Variants in ENAH observed in about 807,000 individuals in gnomAD.
ENAH encodes the protein ENAH actin regulator, also known as protein enabled homolog.
A neutral mutation model predicts 78.7 loss-of-function variants in ENAH; 23 were observed. The observed-to-expected ratio is 0.29, with a 90% CI of 0.21 to 0.41. The LOEUF is 0.41. ENAH is among the 10% of genes least tolerant of loss of function. The pLI is 1.00. For synonymous variants in ENAH, 226 were observed against 241.0 expected (o/e 0.94, Z 0.58); for missense variants, 544 against 691.0 (o/e 0.79, Z 2.39).
At chr1:225,514,575 A>AC (rs1558731916) in intron 7 of ENAH, 21 bp downstream of exon 7, 2 of 1,601,142 alleles carry the variant, frequency 1.2e-6, no homozygotes, top group Non-Finnish European at 1.7e-6. Context: ...TATTAAAAAA[A>AC]TTTTTCAGAA....
At chr1:225,512,753 T>A in intron 8 of ENAH, 39 bp from the exon 9 acceptor site, 1 of 1,610,682 alleles carries the variant, frequency 6.2e-7, no homozygotes, top group Non-Finnish European at 8.5e-7. Flanking sequence ...AAATATTATC[T>A]GATTCAGTAT....
intron 1 of ENAH, among the ~76,000 whole-genome samples, chr1:225,641,151 C>A (rs1660987139): frequency 6.6e-6 from 1 of 151,728 alleles, no homozygotes; most frequent in Non-Finnish European, 1.5e-5. Flanking sequence ...GCATGAGCCA[C>A]CGCGCCCGGC....
chr1:225,561,680 C>G (rs1243383659), intron 2 of ENAH, among the ~76,000 whole-genome samples: 1 of 76,454 alleles, frequency 1.3e-5, no homozygotes, highest in Non-Finnish European at 3.0e-5. Context: ...CACTTAATAA[C>G]TACTTATTGG....
rs548389063 is a variant in ENAH at position 225,632,385 on chromosome 1, C to T, written c.5+20301G>A. 4.6e-5 allele frequency among the ~76,000 whole-genome samples: 7 copies of T among 151,994 alleles called. No homozygotes were observed. The South Asian group carries it at 1.5e-3, about 32-fold the overall frequency. ...TAGTGGCAGGCGCCTGTAATCTCAG[C>T]TACTCAGGAGACTGAGGCAGGAGAA... On this transcript the variant is annotated intron_variant, in intron 1 of 13. Coordinates refer to ENST00000366843, the MANE Select transcript of ENAH (RefSeq NM_018212.6).
chr1:225,577,757 C>G lies in ENAH; in HGVS notation c.6-10343G>C, dbSNP rs555289714. On this transcript the variant is annotated intron_variant, in intron 1 of 13. Transcript: ENST00000366843. ...AAACATTTCAGCAAATCTATTGGGTCATTCTGCAGGATGAAAAAATCTCTT... is the reference window on the plus strand; with the variant it reads ...AAACATTTCAGCAAATCTATTGGGTGATTCTGCAGGATGAAAAAATCTCTT... Among the ~76,000 whole-genome samples, 13 of 152,226 alleles carry G rather than the reference C, an allele frequency of 8.5e-5. No individual in the cohort carries two copies. In the South Asian group the frequency reaches 2.5e-3, roughly 29 times the overall value.
At chr1:225,593,863 C>T (rs2147921350) in intron 1 of ENAH, among the ~76,000 whole-genome samples, 1 of 152,216 alleles carries the variant, frequency 6.6e-6, no homozygotes, top group East Asian at 1.9e-4. Flanking sequence ...GACTAGAAGG[C>T]CTTAATGTTG....
In ENAH at chr1:225,492,490, T is replaced by G. The variant is rs566292597; in HGVS notation, c.*5285A>C. On this transcript the variant is annotated 3_prime_UTR_variant, in exon 14 of 14. Coordinates refer to ENST00000366843, the MANE Select transcript of ENAH (RefSeq NM_018212.6). ...CCTAATTTTCTCCCTCTGCCTAGAA[T>G]TCCTGTGTCCTACACCAGAAGCGTC... 6.6e-6 allele frequency: 1 copy of G among 152,382 alleles called. No individual in the cohort carries two copies. Among genetic ancestry groups the G allele is most frequent in the Admixed American group, 6.5e-5 (1 of 15,304 alleles). 9.4% of individuals were successfully genotyped at this position (152,382 alleles called of 1,614,324 possible). A position where few individuals can be genotyped will look rare whatever the true frequency, so the allele number is the denominator to read the frequency against.
intron 2 of ENAH, among the ~76,000 whole-genome samples, chr1:225,564,454 A>ATTTTT (rs71170093): frequency 8.2e-6 from 1 of 122,422 alleles, no homozygotes; most frequent in African/African-American, 3.1e-5. Flanking sequence ...ATGCCCGACT[A>ATTTTT]TTTTTTTTTT....
intron 1 of ENAH, among the ~76,000 whole-genome samples, chr1:225,616,162 A>G (rs2097030465): frequency 6.6e-6 from 1 of 152,150 alleles, no homozygotes; most frequent in South Asian, 2.1e-4. Context: ...CCACTCCCTA[A>G]TCTCAAGTAC....
chr1:225,610,342 C>T (rs1299865988), intron 1 of ENAH, among the ~76,000 whole-genome samples: 1 of 151,928 alleles, frequency 6.6e-6, no homozygotes, highest in African/African-American at 2.4e-5. Context: ...TACTAGAGCT[C>T]AAAGATCAAA....
intron 1 of ENAH, among the ~76,000 whole-genome samples, chr1:225,600,839 G>A (rs2096927112): frequency 2.0e-5 from 3 of 151,312 alleles, no homozygotes; most frequent in African/African-American, 4.9e-5. Flanking sequence ...GATTTAAGAG[G>A]AAAATATATA....
At chr1:225,621,955 G>A (rs1431655108) in intron 1 of ENAH, among the ~76,000 whole-genome samples, 1 of 151,880 alleles carries the variant, frequency 6.6e-6, no homozygotes, top group Non-Finnish European at 1.5e-5. Context: ...CTCCCTCTTC[G>A]TATCTCTCAC....
At chr1:225,615,304 C>G (rs1484136214) in intron 1 of ENAH, among the ~76,000 whole-genome samples, 2 of 152,240 alleles carry the variant, frequency 1.3e-5, no homozygotes, top group South Asian at 2.1e-4. Flanking sequence ...CTCGGCCTCC[C>G]GAGGTGCCGG....
At chr1:225,644,437 A>G (rs960475898) in intron 1 of ENAH, among the ~76,000 whole-genome samples, 17 of 152,192 alleles carry the variant, frequency 1.1e-4, no homozygotes, top group African/African-American at 4.1e-4. Flanking sequence ...TTTGCTTGCA[A>G]TATCAGTCTA....
At chr1:225,548,794 T>C (rs552801912) in intron 3 of ENAH, among the ~76,000 whole-genome samples, 5 of 151,004 alleles carry the variant, frequency 3.3e-5, no homozygotes, top group African/African-American at 9.7e-5. Flanking sequence ...GAAAAGACTG[T>C]CCCCACCTAC....
intron 2 of ENAH, among the ~76,000 whole-genome samples, chr1:225,564,367 G>A (rs962584135): frequency 1.3e-5 from 2 of 151,444 alleles, no homozygotes; most frequent in East Asian, 1.9e-4. Flanking sequence ...TCGGCTCACC[G>A]CAACCTCCGC....
At chr1:225,566,097 GGCTTAAGTT>G (rs893618300) in intron 2 of ENAH, among the ~76,000 whole-genome samples, 2 of 151,740 alleles carry the variant, frequency 1.3e-5, no homozygotes, top group African/African-American at 4.8e-5. Flanking sequence ...CTAATTTCTT[GGCTTAAGTT>G]GCTTAAGTGA....
At chr1:225,627,901 A>G (rs1658248336) in intron 1 of ENAH, among the ~76,000 whole-genome samples, 1 of 139,624 alleles carries the variant, frequency 7.2e-6, no homozygotes, top group Admixed American at 6.8e-5. Context: ...TTTGTCCCCT[A>G]CCAACTTATA....
chr1:225,598,650 T>C lies in ENAH; in HGVS notation c.6-31236A>G, dbSNP rs147271612. On this transcript the variant is annotated intron_variant, in intron 1 of 13. Transcript: ENST00000366843. ...TTTAAACCAGAGAAAGAAAATTCTATCCATCTATTGGAAAACAGGACAAAA... is the reference window on the plus strand; with the variant it reads ...TTTAAACCAGAGAAAGAAAATTCTACCCATCTATTGGAAAACAGGACAAAA... 1.5e-3 allele frequency among the ~76,000 whole-genome samples: 231 copies of C among 151,290 alleles called. 1 individual carries two copies. The highest frequency in any genetic ancestry group is 5.3e-3 in the African/African-American group (219 of 41,208).
Sources: gnomAD v4.1 joint callset for allele counts (sites outside exome capture counted in the v4.1 genomes callset) on GRCh38, gnomAD v4.1.1 for gene constraint, MANE v1.5 for transcripts, NCBI Gene and HGNC (gene_info 2026-07-23, HGNC 2026-07-21) for gene names.